STXBP4: variants seen among roughly 807,000 people sequenced by gnomAD.
STXBP4 encodes the protein syntaxin-binding protein 4.
A neutral mutation model predicts 76.1 loss-of-function variants in STXBP4; 55 were observed. The ratio of observed to expected loss-of-function variants is 0.72; its 90% CI spans 0.58 to 0.91. The LOEUF (loss-of-function observed/expected upper bound fraction) is 0.91, where lower values mean the gene tolerates loss of function less well. STXBP4 is among the 40% of genes least tolerant of loss of function. STXBP4 has a pLI of 0.00. For synonymous variants in STXBP4, 201 were observed against 220.2 expected (o/e 0.91, Z 0.77); for missense variants, 618 against 636.9 (o/e 0.97, Z 0.32).
At position 55,007,542 on chromosome 17, in the gene STXBP4, A is replaced by G; in HGVS notation, c.611A>G (p.Gln204Arg). 1.2e-6 allele frequency: 2 copies of G among 1,611,888 alleles called. No individual in the cohort carries two copies. Among genetic ancestry groups the G allele is most frequent in the Non-Finnish European group, 1.7e-6 (2 of 1,179,436 alleles). ...GCCTGGACTGAAAATTATGGGCTAC[A>G]AGAAAAGATCTCCCTAAATCCCTCT... is the stretch of plus-strand genomic sequence containing the variant. ...ASAWTENYGL[Q>R]EKISLNPSVR... The change falls in exon 8 of 18, where the codon CAA becomes CGA. Residue 204 changes from glutamine (Q) to arginine (R), a missense_variant. By Grantham distance (43) the Gln-to-Arg change is conservative (BLOSUM62 1). Coordinates refer to ENST00000376352, the MANE Select transcript of STXBP4 (RefSeq NM_178509.6).
At chr17:55,091,568 T>C (rs1471440141) in intron 16 of STXBP4, among the ~76,000 whole-genome samples, 2 of 152,102 alleles carry the variant, frequency 1.3e-5, no homozygotes, top group African/African-American at 4.8e-5. Context: ...TAACACAGTT[T>C]ATTCAGCGTC....
intron 16 of STXBP4, among the ~76,000 whole-genome samples, chr17:55,092,987 GTTTGTTT>G (rs879446756): frequency 0.014 from 1,401 of 102,872 alleles, 10 homozygotes; most frequent in Admixed American, 0.022. Flanking sequence ...TTTGTTTTTT[GTTTGTTT>G]TTTGTTTTTT....
chr17:55,024,180 CAT>C (rs1317330162), intron 8 of STXBP4, among the ~76,000 whole-genome samples: 6 of 152,198 alleles, frequency 3.9e-5, no homozygotes, highest in African/African-American at 1.4e-4. Context: ...TGGGAACTCT[CAT>C]GTGATACTCA....
chr17:55,135,451 C>T (rs2080019229), intron 16 of STXBP4, among the ~76,000 whole-genome samples: 1 of 152,004 alleles, frequency 6.6e-6, no homozygotes, highest in Non-Finnish European at 1.5e-5. Context: ...TGTTAATACA[C>T]AGCATTTTTG....
rs980677911 is a variant in STXBP4 at position 55,132,648 on chromosome 17, T to C, written c.1490-8662T>C. Among the ~76,000 whole-genome samples, 8 of 152,206 alleles carry C rather than the reference T, an allele frequency of 5.3e-5. No individual in the cohort carries two copies. The East Asian group carries it at 1.5e-3, about 29-fold the overall frequency. On this transcript the variant is annotated intron_variant, in intron 16 of 17. Transcript: ENST00000376352. ...AAGAACCTATCATGTGCCACAAGAA[T>C]ACTGGCAGTGAAGCAATGAATGAAC...
intron 16 of STXBP4, among the ~76,000 whole-genome samples, chr17:55,111,495 T>C (rs2079715119): frequency 6.6e-6 from 1 of 152,142 alleles, no homozygotes; most frequent in African/African-American, 2.4e-5. Context: ...GGGAGGTGAT[T>C]GGATCATGAG....
chr17:55,187,121 A>G, the STXBP4 span, among the ~76,000 whole-genome samples: 1 of 152,230 alleles, frequency 6.6e-6, no homozygotes, highest in Non-Finnish European at 1.5e-5. Context: ...TGCCTCCTTC[A>G]GGGAATGTAT....
At chr17:55,062,143 G>C (rs565841701) in intron 12 of STXBP4, among the ~76,000 whole-genome samples, 5 of 151,934 alleles carry the variant, frequency 3.3e-5, no homozygotes, top group South Asian at 4.2e-4. Flanking sequence ...AGAACGTGCA[G>C]GTTCGTTACA....
chr17:55,000,232 T>C (rs2077885801), intron 6 of STXBP4: 3 of 985,222 alleles, frequency 3.0e-6, no homozygotes, highest in Non-Finnish European at 3.6e-6. Context: ...TCCCACACAG[T>C]GAGGCTAATC....
chr17:55,058,754 G>T (rs1324031226), intron 12 of STXBP4, among the ~76,000 whole-genome samples: 1 of 152,062 alleles, frequency 6.6e-6, no homozygotes, highest in African/African-American at 2.4e-5. Flanking sequence ...ACGTTTCCCA[G>T]TATTTTTATC....
chr17:55,183,686 A>T, the STXBP4 span, among the ~76,000 whole-genome samples: 2 of 152,194 alleles, frequency 1.3e-5, no homozygotes, highest in Non-Finnish European at 2.9e-5. Context: ...AAGCAAATGA[A>T]TTTTAAGAGA....
At chr17:55,091,068 G>A (rs1358463639) in intron 16 of STXBP4, among the ~76,000 whole-genome samples, 2 of 152,052 alleles carry the variant, frequency 1.3e-5, no homozygotes, top group Admixed American at 6.6e-5. Flanking sequence ...AGCAAGGAGC[G>A]GGAATCCTTC....
At chr17:55,175,930 G>T (rs976312387), downstream of STXBP4, among the ~76,000 whole-genome samples, 5 of 152,150 alleles carry the variant, frequency 3.3e-5, no homozygotes, top group South Asian at 4.1e-4. Flanking sequence ...CAATCTATAG[G>T]TCTCTACTTC....
rs535600534 is a variant in STXBP4 at position 55,163,873 on chromosome 17, A to T, written c.*3962A>T. 1 of 152,768 alleles carries T rather than the reference A, an allele frequency of 6.5e-6. No individual in the cohort carries two copies. Among genetic ancestry groups the T allele is most frequent in the African/African-American group, 2.4e-5 (1 of 41,584 alleles). 9.5% of individuals were successfully genotyped at this position (152,768 alleles called of 1,614,324 possible). On this transcript the variant is annotated 3_prime_UTR_variant, in exon 18 of 18. Coordinates refer to ENST00000376352, the MANE Select transcript of STXBP4 (RefSeq NM_178509.6). ...ACATGCCGTATGAAGAGCCTCTCCA[A>T]TAATAAATGCAAAGCAGCTGTCAAA... is the stretch of plus-strand genomic sequence containing the variant.
rs542559372 is a variant in STXBP4, at chr17:55,034,390, C to A, written c.855+131C>A. The A allele has an allele frequency of 8.8e-5, 47 of 535,360 alleles. 1 individual carries two copies. Among genetic ancestry groups the A allele is most frequent in the African/African-American group, 7.9e-4 (41 of 52,034 alleles). The allele number at this position is 535,360 out of a possible 1,614,324, so 33.2% of individuals were successfully genotyped here. ...TGTTTCTTGGATAAATATATAAATACAAATCAATTTAAAATCAAAAGTAAA... is the reference window on the plus strand; with the variant it reads ...TGTTTCTTGGATAAATATATAAATAAAAATCAATTTAAAATCAAAAGTAAA... On this transcript the variant is annotated intron_variant, in intron 10 of 17. Transcript: ENST00000376352.
chr17:55,161,116 A>G lies in STXBP4; in HGVS notation c.*1205A>G, dbSNP rs890370538. The G allele has an allele frequency of 4.6e-5, 7 of 152,228 alleles. No individual in the cohort carries two copies. The highest frequency in any genetic ancestry group is 1.7e-4 in the African/African-American group (7 of 41,456). The allele number at this position is 152,228 out of a possible 1,614,324, so 9.4% of individuals were successfully genotyped here. Reference sequence around the variant, plus strand: ...CCATTTTATAGTTGAGTAAACTGAGATCTTAAGTCTCCTAGTCTACTGAAT... The same window carrying G: ...CCATTTTATAGTTGAGTAAACTGAGGTCTTAAGTCTCCTAGTCTACTGAAT... On this transcript the variant is annotated 3_prime_UTR_variant, in exon 18 of 18. Coordinates refer to ENST00000376352, the MANE Select transcript of STXBP4 (RefSeq NM_178509.6).
chr17:55,015,315 G>T (rs1352632836), intron 8 of STXBP4, among the ~76,000 whole-genome samples: 1 of 152,092 alleles, frequency 6.6e-6, no homozygotes, highest in African/African-American at 2.4e-5. Flanking sequence ...CCCAATGAGG[G>T]TCTACACTGG....
the STXBP4 span, among the ~76,000 whole-genome samples, chr17:55,178,997 T>C: frequency 6.6e-6 from 1 of 152,198 alleles, no homozygotes; most frequent in Non-Finnish European, 1.5e-5. Flanking sequence ...CCCAGTCAAG[T>C]TGACATATAA....
chr17:55,041,264 C>G (rs2078694933), intron 10 of STXBP4, among the ~76,000 whole-genome samples: 2 of 146,314 alleles, frequency 1.4e-5, no homozygotes, highest in Non-Finnish European at 3.0e-5. Flanking sequence ...CATGGTCTCA[C>G]CCTGCCATCA....
Sources: gnomAD v4.1 joint callset for allele counts (sites outside exome capture counted in the v4.1 genomes callset) on GRCh38, gnomAD v4.1.1 for gene constraint, MANE v1.5 for transcripts, NCBI Gene and HGNC (gene_info 2026-07-23, HGNC 2026-07-21) for gene names.